Variants in CNIH3 observed in about 807,000 individuals in gnomAD.
The protein encoded by CNIH3 is protein cornichon homolog 3.
Under a neutral mutation model 24.1 loss-of-function variants are expected in CNIH3, and 14 were observed. The ratio of observed to expected loss-of-function variants is 0.58; its 90% confidence interval spans 0.38 to 0.91. CNIH3 has a LOEUF of 0.91. CNIH3 is among the 40% of genes least tolerant of loss of function. CNIH3 has a pLI of 0.00. For synonymous variants in CNIH3, 68 were observed against 73.8 expected (o/e 0.92, Z 0.40); for missense variants, 178 against 196.8 (o/e 0.90, Z 0.57).
chr1:224,664,765 C>T (rs1018448408), intron 1 of CNIH3: 1 of 152,164 alleles, frequency 6.6e-6, no homozygotes, highest in Non-Finnish European at 1.5e-5. Context: ...GACAAGGTCT[C>T]ACTCTGTCGC....
At chr1:224,677,835 T>C (rs1686211368) in intron 1 of CNIH3, among the ~76,000 whole-genome samples, 1 of 152,194 alleles carries the variant, frequency 6.6e-6, no homozygotes, top group Admixed American at 6.5e-5. Flanking sequence ...CCTCCATGGG[T>C]GCCCAGTCTC....
Position 224,704,576 on chromosome 1 carries a change from AG to A in CNIH3, c.198+19734del. Among the ~76,000 whole-genome samples, 1 of 152,220 alleles carries A rather than the reference AG, an allele frequency of 6.6e-6. No homozygotes were observed. Among genetic ancestry groups the A allele is most frequent in the African/African-American group, 2.4e-5 (1 of 41,504 alleles). ...TTCAGTTTGCCACATTTGCCTTCTC[AG>A]CTCTTCCCCATCCCCCGTGTATGTA... On this transcript the variant is annotated intron_variant, in intron 3 of 5. Coordinates refer to ENST00000272133, the MANE Select transcript of CNIH3 (RefSeq NM_152495.2). The surrounding 1 kb of genome is among the most constrained non-coding windows in gnomAD (Gnocchi z 4.2).
chr1:224,552,568 T>C (rs1205972787), intron 3 of CNIH3, among the ~76,000 whole-genome samples: 1 of 151,706 alleles, frequency 6.6e-6, no homozygotes, highest in Non-Finnish European at 1.5e-5. Flanking sequence ...CACTGTACTC[T>C]CATGAGTTAT....
intron 2 of CNIH3, among the ~76,000 whole-genome samples, chr1:224,546,499 G>A (rs563632650): frequency 2.6e-4 from 40 of 152,302 alleles, no homozygotes; most frequent in African/African-American, 8.7e-4. Context: ...GCTGAGCAGC[G>A]TCAGGGGAAA....
intron 3 of CNIH3, among the ~76,000 whole-genome samples, chr1:224,610,423 G>C (rs1376814038): frequency 6.6e-6 from 1 of 152,202 alleles, no homozygotes; most frequent in African/African-American, 2.4e-5. Flanking sequence ...GTTCTCACAA[G>C]ATCTGATGGT....
intron 1 of CNIH3, among the ~76,000 whole-genome samples, chr1:224,442,711 T>A (rs1334811341): frequency 6.6e-6 from 1 of 152,236 alleles, no homozygotes; most frequent in East Asian, 1.9e-4. Context: ...AGCCACATTT[T>A]ACAGGTGAGA....
chr1:224,698,255 C>T (rs1172794586), intron 3 of CNIH3, among the ~76,000 whole-genome samples: 1 of 152,198 alleles, frequency 6.6e-6, no homozygotes, highest in African/African-American at 2.4e-5. Context: ...TATAAAGGGA[C>T]AGAAAAGCCA....
At chr1:224,495,264 A>G (rs1033669721) in intron 1 of CNIH3, among the ~76,000 whole-genome samples, 3 of 152,196 alleles carry the variant, frequency 2.0e-5, no homozygotes, top group African/African-American at 7.2e-5. Flanking sequence ...TCCCATGCCA[A>G]GGTATTGTCC....
chr1:224,716,072 T>C (rs1282388251), intron 3 of CNIH3, among the ~76,000 whole-genome samples: 1 of 152,206 alleles, frequency 6.6e-6, no homozygotes, highest in Non-Finnish European at 1.5e-5. Context: ...ATCCAATCAA[T>C]TACTAAGTTC....
At chr1:224,567,233 A>C (rs1322472852) in intron 4 of CNIH3, among the ~76,000 whole-genome samples, 1 of 151,910 alleles carries the variant, frequency 6.6e-6, no homozygotes. Flanking sequence ...TTTTCTTGTA[A>C]ATTTGTTTAA....
chr1:224,510,188 C>G (rs530119637), intron 1 of CNIH3, among the ~76,000 whole-genome samples: 2 of 152,194 alleles, frequency 1.3e-5, no homozygotes, highest in Non-Finnish European at 2.9e-5. Flanking sequence ...GAACTGCCCC[C>G]GTGAGAGGCT....
chr1:224,737,404 C>T (rs868530134), intron 5 of CNIH3, among the ~76,000 whole-genome samples: 10 of 152,180 alleles, frequency 6.6e-5, no homozygotes, highest in Admixed American at 1.3e-4. Flanking sequence ...AAATTGGAAA[C>T]AGTTCCTGCA....
rs562788489 is a variant in CNIH3, at chr1:224,458,957, A to G, written n.203+24095A>G. On this transcript the variant is annotated intron_variant and non_coding_transcript_variant, in intron 1 of 5. Transcript: ENST00000471578. This position sits in a 1 kb window ranked among gnomAD's most constrained non-coding sequence, Gnocchi z 4.3. ...TTCAAGAAAAGGGGAAAATTTAAGC[A>G]CCATACTGTTATGTGGTCCTTGTAC... 3.9e-5 allele frequency among the ~76,000 whole-genome samples: 6 copies of G among 152,176 alleles called. No individual in the cohort carries two copies. The South Asian group carries it at 1.2e-3, about 32-fold the overall frequency.
intron 1 of CNIH3, among the ~76,000 whole-genome samples, chr1:224,484,944 G>A (rs1676968361): frequency 6.6e-6 from 1 of 152,178 alleles, no homozygotes; most frequent in African/African-American, 2.4e-5. Flanking sequence ...AGATGGATCA[G>A]TTCTGGGTCA....
rs556938813 is a variant in CNIH3, at chr1:224,536,386, C to T, written n.344-550C>T. On this transcript the variant is annotated intron_variant and non_coding_transcript_variant, in intron 2 of 2. Transcript: ENST00000470602. ...AGCTCACCGTAACCTCTGCCTCCTG[C>T]GTTCAAGCGATTCTCCTGCCTCAGC... Among the ~76,000 whole-genome samples, 4 of 148,112 alleles carry T rather than the reference C, an allele frequency of 2.7e-5. No homozygotes were observed. In the South Asian group the frequency reaches 6.5e-4, roughly 24 times the overall value.
intron 1 of CNIH3, among the ~76,000 whole-genome samples, chr1:224,674,599 T>C (rs1340083939): frequency 6.6e-6 from 1 of 152,032 alleles, no homozygotes; most frequent in Non-Finnish European, 1.5e-5. Flanking sequence ...AGTTGCTTCA[T>C]GGTCCTGTGG....
In CNIH3 at chr1:224,681,159, C is replaced by A. The variant is rs894429924; in HGVS notation, c.150+133C>A. ...GCCCTCACTGTGCCTCTCTACCTGG[C>A]TCAAGGTTGTGGAGGAGCCTTCTCA... On this transcript the variant is annotated intron_variant, in intron 2 of 5. Coordinates refer to ENST00000272133, the MANE Select transcript of CNIH3 (RefSeq NM_152495.2). 5 of 759,538 alleles carry A rather than the reference C, an allele frequency of 6.6e-6. No homozygotes were observed. In the African/African-American group the frequency reaches 6.9e-5, roughly 11 times the overall value. 47.0% of individuals were successfully genotyped at this position (759,538 alleles called of 1,614,324 possible). A position where few individuals can be genotyped will look rare whatever the true frequency, so the allele number is the denominator to read the frequency against.
chr1:224,461,643 A>G (rs1675917019), intron 1 of CNIH3, among the ~76,000 whole-genome samples: 2 of 152,236 alleles, frequency 1.3e-5, no homozygotes, highest in African/African-American at 4.8e-5. Flanking sequence ...CATCTTTATT[A>G]AGATTTTAAC....
At chr1:224,576,961 T>C (rs891555420) in intron 4 of CNIH3, among the ~76,000 whole-genome samples, 1 of 151,976 alleles carries the variant, frequency 6.6e-6, no homozygotes, top group African/African-American at 2.4e-5. Context: ...AAACATAAAG[T>C]GGGACAAAGG....
Sources: allele counts gnomAD v4.1 joint callset (sites outside exome capture counted in the v4.1 genomes callset), GRCh38; gene constraint gnomAD v4.1.1; non-coding constraint Gnocchi (gnomAD v3.1); transcripts MANE v1.5; gene names NCBI Gene and HGNC (gene_info 2026-07-23, HGNC 2026-07-21).